Variants in WDR18 observed in about 807,000 individuals in gnomAD.
WDR18 encodes WD repeat-containing protein 18.
A neutral mutation model predicts 49.6 loss-of-function variants in WDR18; 33 were observed. The observed-to-expected ratio is 0.67, with a 90% CI of 0.50 to 0.89. WDR18 has a LOEUF of 0.89. WDR18 is among the 40% of genes least tolerant of loss of function. The pLI is 0.00. For missense variants in WDR18, 653 were observed against 593.6 expected, an observed-to-expected ratio of 1.10 and a Z score of -1.04; for synonymous variants, 315 against 263.6, an observed-to-expected ratio of 1.19 and a Z score of -1.89.
chr19:986,116 C>G (rs911462356), intron 2 of WDR18, 141 bp downstream of exon 2: 2 of 720,080 alleles, frequency 2.8e-6, no homozygotes, highest in Non-Finnish European at 4.6e-6. Flanking sequence ...AAGCTTCACC[C>G]TGCTGCCTCC....
chr19:991,231 C>T lies in WDR18; in HGVS notation c.811C>T (p.Gln271Ter). The T allele has an allele frequency of 6.4e-7, 1 of 1,574,474 alleles. No individual in the cohort carries two copies. Among genetic ancestry groups the T allele is most frequent in the Admixed American group, 1.8e-5 (1 of 55,882 alleles). The change falls in exon 7 of 10, where the codon CAG (glutamine) becomes TAG (stop). Residue 271 changes from glutamine to a stop codon, truncating the protein, a stop_gained. Transcript: ENST00000585809. LOFTEE classifies it high-confidence loss of function. Reference protein sequence around the residue: ...AGKVFKGHRNQVTCLSVSTDG... With the variant: ...AGKVFKGHRN Reference sequence around the variant, plus strand: ...GACCCCTGTCTGTCTGTCCAGGAACCAGGTGACTTGCCTGTCAGTGTCCAC... The same window carrying T: ...GACCCCTGTCTGTCTGTCCAGGAACTAGGTGACTTGCCTGTCAGTGTCCAC...
Position 992,028 on chromosome 19 carries a change from G to A in WDR18, c.1005G>A (p.Pro335=), listed in dbSNP as rs754874487. Reference sequence around the variant, plus strand: ...GCTCAGACTTCAGGCCCAGCCTGCCGCTGCCCCACTTCAACAAGCACCTGC... The same window carrying A: ...GCTCAGACTTCAGGCCCAGCCTGCCACTGCCCCACTTCAACAAGCACCTGC... The part of the protein sequence containing the change: ...MLSSDFRPSL[P]LPHFNKHLLG... The change falls in exon 8 of 10, where the codon CCG becomes CCA. Residue 335 remains proline, a synonymous_variant. Transcript: ENST00000585809. 1.3e-6 allele frequency: 2 copies of A among 1,592,756 alleles called. No homozygotes were observed. Among genetic ancestry groups the A allele is most frequent in the South Asian group, 1.1e-5 (1 of 89,530 alleles).
At chr19:987,829 G>GTTTTTTTTTTTTTTTTTTTTTTTTT (rs71174337) in intron 2 of WDR18, among the ~76,000 whole-genome samples, 7 of 91,802 alleles carry the variant, frequency 7.6e-5, no homozygotes, top group Admixed American at 2.2e-4. Context: ...GCCGCCTCCA[G>GTTTTTTTTTTTTTTTTTTTTTTTTT]TTTTTTTTTT....
rs1381155340 is a variant in WDR18, at chr19:994,304, T to A, written c.1259T>A (p.Phe420Tyr). ...CTGCGCAAGATCAATCGGGACCTGTTCGACTTCTCCACGCGCTTCATCACG... is the reference window on the plus strand; with the variant it reads ...CTGCGCAAGATCAATCGGGACCTGTACGACTTCTCCACGCGCTTCATCACG... ...RNLRKINRDL[F>Y]DFSTRFITRP... The change falls in exon 10 of 10, where the codon TTC (phenylalanine) becomes TAC (tyrosine). Residue 420 changes from phenylalanine to tyrosine, a missense_variant. Coordinates refer to ENST00000585809, the MANE Select transcript of WDR18 (RefSeq NM_024100.4). The A allele has an allele frequency of 6.2e-7, 1 of 1,611,284 alleles. No homozygotes were observed. The highest frequency in any genetic ancestry group is 8.5e-7 in the Non-Finnish European group (1 of 1,179,398).
At chr19:984,220 C>G, upstream of WDR18, 1 of 953,974 alleles carries the variant, frequency 1.0e-6, no homozygotes, top group Non-Finnish European at 1.5e-6. Flanking sequence ...AAGAAAGCCC[C>G]TCTCTCCGAG....
At chr19:988,848 T>C (rs571103861) in intron 2 of WDR18, among the ~76,000 whole-genome samples, 107 of 152,274 alleles carry the variant, frequency 7.0e-4, no homozygotes, top group Non-Finnish European at 1.1e-3. Context: ...GACACATGGA[T>C]GGATGCCCCC....
intron 8 of WDR18, among the ~76,000 whole-genome samples, chr19:992,461 C>T (rs778246574): frequency 6.6e-6 from 1 of 152,244 alleles, no homozygotes; most frequent in Non-Finnish European, 1.5e-5. Flanking sequence ...CTGTGAGAGC[C>T]AAAAGGTTCA....
rs1599442954 is a variant in WDR18, at chr19:984,624, G to A, written c.210+61G>A. The A allele has an allele frequency of 3.7e-6, 5 of 1,355,292 alleles. No individual in the cohort carries two copies. The East Asian group carries it at 1.5e-4, about 41-fold the overall frequency. 84.0% of individuals were successfully genotyped at this position (1,355,292 alleles called of 1,614,324 possible). On this transcript the variant is annotated intron_variant, in intron 1 of 9. Transcript: ENST00000585809. ...GCGCCCGAGGCTGAAGTCGGGGGAT[G>A]GGTTGGTGGGGGCCGCGTGCACCCT...
intron 2 of WDR18, among the ~76,000 whole-genome samples, chr19:988,261 C>T (rs2285901): frequency 0.46 from 69,376 of 151,752 alleles, 16,639 homozygotes; most frequent in Non-Finnish European, 0.54. Context: ...TCTGTGTAGG[C>T]GACGGGTGTG....
At chr19:991,054 G>A (rs757758322) in intron 5 of WDR18, 27 bp from the exon 6 acceptor site, 11 of 1,601,754 alleles carry the variant, frequency 6.9e-6, no homozygotes, top group South Asian at 5.6e-5. Context: ...TCGGGCCTGC[G>A]GCTCACACAC....
At chr19:992,224 C>T in intron 8 of WDR18, 103 bp downstream of exon 8, 1 of 1,330,522 alleles carries the variant, frequency 7.5e-7, no homozygotes, top group Non-Finnish European at 9.7e-7. Context: ...TGCGGCGGTT[C>T]CCCACAAGCC....
At position 990,941 on chromosome 19, in the gene WDR18, T is replaced by C; in HGVS notation, c.687T>C (p.His229=). The change falls in exon 5 of 10, where the codon CAT becomes CAC. Residue 229 remains histidine (H), a synonymous_variant. Coordinates refer to ENST00000585809, the MANE Select transcript of WDR18 (RefSeq NM_024100.4). ...MAVTMDLAEH[H]MFCGGSEGSI... is the part of the protein sequence containing the mutation. ...TGACCATGGACCTGGCTGAGCACCATATGTTCTGCGGGGGCAGTGAGGGCT... is the reference window on the plus strand; with the variant it reads ...TGACCATGGACCTGGCTGAGCACCACATGTTCTGCGGGGGCAGTGAGGGCT... 1 of 1,612,630 alleles carries C rather than the reference T, an allele frequency of 6.2e-7. No homozygotes were observed.
intron 2 of WDR18, among the ~76,000 whole-genome samples, chr19:986,217 C>CG (rs2038473151): frequency 2.6e-5 from 4 of 152,206 alleles, no homozygotes. Flanking sequence ...GCCCAGTCCC[C>CG]GGCACTCACA....
intron 3 of WDR18, 37 bp downstream of exon 3, chr19:989,932 G>A (rs766953409): frequency 6.4e-7 from 1 of 1,558,910 alleles, no homozygotes; most frequent in Non-Finnish European, 8.7e-7. Context: ...ACCTGGAACT[G>A]CACCCGGGCT....
At chr19:992,994 C>T (rs561724717) in intron 8 of WDR18, among the ~76,000 whole-genome samples, 1 of 152,264 alleles carries the variant, frequency 6.6e-6, no homozygotes, top group Admixed American at 6.5e-5. Context: ...ATGCCGTTAT[C>T]TCCCTTGTCC....
At chr19:990,191 C>T (rs768364402) in intron 3 of WDR18, 32 bp from the exon 4 acceptor site, 38 of 1,577,622 alleles carry the variant, frequency 2.4e-5, no homozygotes, top group Middle Eastern at 1.7e-4. Context: ...CTCCGCTCCC[C>T]GCCTGCTGAG....
At chr19:988,983 A>G (rs2038505201) in intron 2 of WDR18, among the ~76,000 whole-genome samples, 1 of 151,592 alleles carries the variant, frequency 6.6e-6, no homozygotes, top group African/African-American at 2.4e-5. Flanking sequence ...TTCAATCCAC[A>G]ACCCCCACCA....
chr19:991,495 C>T (rs1189912385), intron 7 of WDR18, 144 bp downstream of exon 7: 1 of 709,846 alleles, frequency 1.4e-6, no homozygotes, highest in Admixed American at 5.2e-5. Flanking sequence ...TGGGGCGGGG[C>T]CTGGCTGGGG....
intron 4 of WDR18, 100 bp from the exon 5 acceptor site, chr19:990,752 A>C (rs2038533974): frequency 6.8e-7 from 1 of 1,480,446 alleles, no homozygotes. Context: ...CCCTAGGGCC[A>C]GAGGACAGCC....
Sources: allele counts gnomAD v4.1 joint callset (sites outside exome capture counted in the v4.1 genomes callset), GRCh38; gene constraint gnomAD v4.1.1; transcripts MANE v1.5; gene names NCBI Gene and HGNC (gene_info 2026-07-23, HGNC 2026-07-21).